The following IGSF21 variants were observed in gnomAD, a reference collection of about 807,000 sequenced individuals.
IGSF21 encodes immunoglobulin superfamily member 21.
A neutral mutation model predicts 46.8 loss-of-function variants in IGSF21; 28 were observed. The observed-to-expected ratio is 0.60, with a 90% CI of 0.44 to 0.82. The LOEUF is 0.82. Among genes scored for constraint, IGSF21 ranks in the 40% least tolerant of loss-of-function variants. IGSF21 has a pLI of 0.00. For missense variants in IGSF21, 624 were observed against 665.5 expected, an observed-to-expected ratio of 0.94 and a Z score of 0.69; for synonymous variants, 284 against 273.6, an observed-to-expected ratio of 1.04 and a Z score of -0.38.
chr1:18,133,791 G>A (rs1411501842), intron 1 of IGSF21, among the ~76,000 whole-genome samples: 6 of 152,232 alleles, frequency 3.9e-5, no homozygotes, highest in African/African-American at 9.6e-5. Context: ...GGAAGCCTCC[G>A]GTGGGGGGCT....
At chr1:18,203,572 G>T (rs111371848) in intron 1 of IGSF21, among the ~76,000 whole-genome samples, 134 of 152,358 alleles carry the variant, frequency 8.8e-4, no homozygotes, top group African/African-American at 2.9e-3. Context: ...GCTTCCCAAA[G>T]TGCTGGGATT....
At chr1:18,291,830 G>A (rs1180710638) in intron 2 of IGSF21, 36 bp from the exon 3 acceptor site, 10 of 1,609,778 alleles carry the variant, frequency 6.2e-6, no homozygotes, top group Non-Finnish European at 8.5e-6. Flanking sequence ...GGCCGGTTGA[G>A]CACTCACGTG....
At chr1:18,176,304 A>T (rs2086796959) in intron 1 of IGSF21, 1 of 152,216 alleles carries the variant, frequency 6.6e-6, no homozygotes, top group Non-Finnish European at 1.5e-5. Flanking sequence ...AAATGACGAG[A>T]CACCTGGCTT....
chr1:18,145,578 G>A (rs958517461), intron 1 of IGSF21, among the ~76,000 whole-genome samples: 9 of 152,176 alleles, frequency 5.9e-5, no homozygotes, highest in Middle Eastern at 3.4e-3. Flanking sequence ...TCTTTCCACC[G>A]AGGACACGAA....
intron 1 of IGSF21, among the ~76,000 whole-genome samples, chr1:18,143,617 G>T (rs2086438561): frequency 6.6e-6 from 1 of 152,168 alleles, no homozygotes; most frequent in Non-Finnish European, 1.5e-5. Flanking sequence ...GCCTGGCAGA[G>T]CCTGGCTGGA....
At chr1:18,350,501 G>T (rs1569857992) in intron 4 of IGSF21, among the ~76,000 whole-genome samples, 1 of 152,294 alleles carries the variant, frequency 6.6e-6, no homozygotes, top group East Asian at 1.9e-4. Flanking sequence ...TGCAATCCAA[G>T]AGATATTCAA....
intron 1 of IGSF21, among the ~76,000 whole-genome samples, chr1:18,182,670 G>A (rs1437572278): frequency 6.6e-6 from 1 of 152,216 alleles, no homozygotes; most frequent in Non-Finnish European, 1.5e-5. Context: ...ATGCATGCAT[G>A]GATGAATGAA....
chr1:18,162,789 A>T (rs2086639446), intron 1 of IGSF21, among the ~76,000 whole-genome samples: 1 of 152,184 alleles, frequency 6.6e-6, no homozygotes, highest in African/African-American at 2.4e-5. Context: ...CATTCCCTTT[A>T]TTAGAGGGTT....
intron 3 of IGSF21, among the ~76,000 whole-genome samples, chr1:18,305,391 A>G (rs1282229432): frequency 1.3e-5 from 2 of 150,010 alleles, no homozygotes; most frequent in African/African-American, 5.0e-5. Flanking sequence ...GCATGGATGG[A>G]TGGATGGATA....
chr1:18,250,129 C>T (rs2084826115), intron 2 of IGSF21, among the ~76,000 whole-genome samples: 1 of 139,258 alleles, frequency 7.2e-6, no homozygotes, highest in African/African-American at 2.7e-5. Context: ...CTCCCTCCCT[C>T]CCTCTCCTGC....
At chr1:18,210,187 T>C (rs1557589140) in intron 1 of IGSF21, among the ~76,000 whole-genome samples, 1 of 152,140 alleles carries the variant, frequency 6.6e-6, no homozygotes, top group East Asian at 1.9e-4. Context: ...ACCGGATTGC[T>C]TCTCCTGTCA....
intron 2 of IGSF21, among the ~76,000 whole-genome samples, chr1:18,260,940 G>T (rs918720070): frequency 6.6e-6 from 1 of 152,236 alleles, no homozygotes; most frequent in African/African-American, 2.4e-5. Flanking sequence ...CTGAGGGGAG[G>T]TATGCAGAGT....
At chr1:18,325,362 G>T (rs907437898) in intron 3 of IGSF21, among the ~76,000 whole-genome samples, 7 of 152,168 alleles carry the variant, frequency 4.6e-5, no homozygotes, top group Non-Finnish European at 1.0e-4. Context: ...ACCACCCAGT[G>T]TGTCTGCGGT....
At chr1:18,164,371 T>C (rs1453806436) in intron 1 of IGSF21, among the ~76,000 whole-genome samples, 1 of 151,748 alleles carries the variant, frequency 6.6e-6, no homozygotes, top group Non-Finnish European at 1.5e-5. Flanking sequence ...TCTCCTTACC[T>C]CCTTTGCTGT....
rs142843163 is a variant in IGSF21 at position 18,168,490 on chromosome 1, G to A, written c.71-59408G>A. Among the ~76,000 whole-genome samples the A allele has an allele frequency of 1.6e-3, 249 of 152,258 alleles. 2 individuals are homozygous for A. Among genetic ancestry groups the A allele is most frequent in the Middle Eastern group, 0.01 (3 of 294 alleles). On this transcript the variant is annotated intron_variant, in intron 1 of 9. Coordinates refer to ENST00000251296, the MANE Select transcript of IGSF21 (RefSeq NM_032880.5). ...CCTGGGTCATCGTCACTTAGACAAG[G>A]GGACCTGAGGACAGGGTCATTGCCT...
chr1:18,194,530 T>C (rs1246114115), intron 1 of IGSF21, among the ~76,000 whole-genome samples: 1 of 152,154 alleles, frequency 6.6e-6, no homozygotes, highest in Non-Finnish European at 1.5e-5. Context: ...TGGTGTTCTT[T>C]GGTTTGTGGA....
intron 4 of IGSF21, among the ~76,000 whole-genome samples, chr1:18,339,803 G>A (rs181985077): frequency 1.3e-5 from 2 of 152,168 alleles, no homozygotes; most frequent in Non-Finnish European, 2.9e-5. Context: ...TTTGCCTTTC[G>A]GAACATGTAG....
At chr1:18,208,369 T>A (rs1166148246) in intron 1 of IGSF21, among the ~76,000 whole-genome samples, 1 of 35,036 alleles carries the variant, frequency 2.9e-5, no homozygotes. Context: ...TCCTTCAGTT[T>A]AGGAATAATA....
At position 18,337,992 on chromosome 1, in the gene IGSF21, C is replaced by T. The variant is rs1215916858; in HGVS notation, c.424+2982C>T. On this transcript the variant is annotated intron_variant, in intron 4 of 9. Coordinates refer to ENST00000251296, the MANE Select transcript of IGSF21 (RefSeq NM_032880.5). This position sits in a 1 kb window ranked among gnomAD's most constrained non-coding sequence, Gnocchi z 5.7. ...ATGGTGAGGGGAGGGCCGGGGGAGG[C>T]GGCGTGGCTGAGTGTTTCTCATACA... Among the ~76,000 whole-genome samples the T allele has an allele frequency of 2.0e-5, 3 of 152,010 alleles. No homozygotes were observed. Among genetic ancestry groups the T allele is most frequent in the African/African-American group, 4.8e-5 (2 of 41,392 alleles).
Sources: gnomAD v4.1 joint callset for allele counts (sites outside exome capture counted in the v4.1 genomes callset) on GRCh38, gnomAD v4.1.1 for gene constraint, Gnocchi (gnomAD v3.1) non-coding constraint, MANE v1.5 for transcripts, NCBI Gene and HGNC (gene_info 2026-07-23, HGNC 2026-07-21) for gene names.